RPS6KA5: variants seen among roughly 807,000 people sequenced by gnomAD.
The protein encoded by RPS6KA5 is ribosomal protein S6 kinase A5.
RPS6KA5 carries 27 observed loss-of-function variants against 85.5 expected under a neutral mutation model. The observed-to-expected ratio is 0.32, with a 90% CI of 0.23 to 0.44. RPS6KA5 has a LOEUF of 0.44. RPS6KA5 is among the 20% of genes least tolerant of loss of function. The pLI is 1.00. For synonymous variants in RPS6KA5, 334 were observed against 348.2 expected, an observed-to-expected ratio of 0.96 and a Z score of 0.46; for missense variants, 811 against 980.9, an observed-to-expected ratio of 0.83 and a Z score of 2.31.
chr14:91,049,736 G>T (rs1427025184), intron 1 of RPS6KA5, among the ~76,000 whole-genome samples: 1 of 152,210 alleles, frequency 6.6e-6, no homozygotes, highest in Non-Finnish European at 1.5e-5. Context: ...ATCATTAGGT[G>T]ATTTCATGGT....
At chr14:90,933,261 T>C (rs960300772) in intron 5 of RPS6KA5, among the ~76,000 whole-genome samples, 3 of 152,158 alleles carry the variant, frequency 2.0e-5, no homozygotes, top group African/African-American at 4.8e-5. Context: ...TCCAGACTCA[T>C]ATAGCTCACT....
At chr14:90,997,838 C>T (rs1006492153) in intron 2 of RPS6KA5, among the ~76,000 whole-genome samples, 1 of 151,672 alleles carries the variant, frequency 6.6e-6, no homozygotes, top group Admixed American at 6.6e-5. Context: ...TAGTGAAACC[C>T]CGTCTCTATT....
chr14:91,044,339 CAA>C (rs2042735818), intron 1 of RPS6KA5, among the ~76,000 whole-genome samples: 1 of 76,852 alleles, frequency 1.3e-5, no homozygotes, highest in South Asian at 4.6e-4. Context: ...GAAAGATAGA[CAA>C]AGAAAGAAAG....
At chr14:90,973,509 G>GT (rs928340377) in intron 3 of RPS6KA5, among the ~76,000 whole-genome samples, 27 of 151,792 alleles carry the variant, frequency 1.8e-4, no homozygotes, top group African/African-American at 6.3e-4. Flanking sequence ...AAGCCTACAG[G>GT]TTTTTTCCCC....
intron 1 of RPS6KA5, among the ~76,000 whole-genome samples, chr14:91,007,587 G>T (rs2041075218): frequency 6.6e-6 from 1 of 152,178 alleles, no homozygotes; most frequent in Non-Finnish European, 1.5e-5. Flanking sequence ...CTCTCACAAA[G>T]CAATTTTAAC....
intron 6 of RPS6KA5, among the ~76,000 whole-genome samples, chr14:90,922,794 T>C (rs1463492248): frequency 3.9e-5 from 6 of 152,076 alleles, no homozygotes; most frequent in African/African-American, 1.4e-4. Context: ...TCAACAGAAA[T>C]AAAATAAAAA....
At chr14:90,884,598 C>T (rs568387909) in intron 14 of RPS6KA5, among the ~76,000 whole-genome samples, 1 of 152,310 alleles carries the variant, frequency 6.6e-6, no homozygotes, top group East Asian at 1.9e-4. Flanking sequence ...TTTCAATGGA[C>T]TTCAGAGTTC....
chr14:90,893,308 T>C (rs953664461), intron 13 of RPS6KA5, among the ~76,000 whole-genome samples: 1 of 152,226 alleles, frequency 6.6e-6, no homozygotes, highest in African/African-American at 2.4e-5. Context: ...GGAACTATCA[T>C]AGTTGCAAGT....
At chr14:90,889,007 A>G (rs187830961) in intron 14 of RPS6KA5, among the ~76,000 whole-genome samples, 2 of 152,324 alleles carry the variant, frequency 1.3e-5, no homozygotes, top group Non-Finnish European at 1.5e-5. Context: ...GCAATTCATA[A>G]AAGAGGCTGG....
At chr14:90,968,691 A>G (rs2039186761) in intron 3 of RPS6KA5, among the ~76,000 whole-genome samples, 3 of 152,228 alleles carry the variant, frequency 2.0e-5, no homozygotes, top group African/African-American at 7.2e-5. Flanking sequence ...TTTCAAAGGC[A>G]GCAAAATAGC....
intron 1 of RPS6KA5, among the ~76,000 whole-genome samples, chr14:91,051,003 G>A (rs1417498321): frequency 6.6e-6 from 1 of 152,098 alleles, no homozygotes; most frequent in African/African-American, 2.4e-5. Context: ...CGAGGCAGGT[G>A]GAGCACGTGA....
chr14:90,893,975 TTAGAA>T (rs1382107671), intron 13 of RPS6KA5: 2 of 848,094 alleles, frequency 2.4e-6, no homozygotes, highest in East Asian at 2.4e-4. Flanking sequence ...CTTTAAGTAT[TTAGAA>T]TAGAATTATA....
At chr14:90,941,434 C>T (rs1003892213) in intron 5 of RPS6KA5, among the ~76,000 whole-genome samples, 5 of 152,158 alleles carry the variant, frequency 3.3e-5, no homozygotes, top group Non-Finnish European at 7.4e-5. Context: ...GCTAGAAAGC[C>T]GCCGAGGGAG....
intron 2 of RPS6KA5, among the ~76,000 whole-genome samples, chr14:90,998,952 G>A (rs1213999322): frequency 6.6e-6 from 1 of 152,172 alleles, no homozygotes; most frequent in East Asian, 1.9e-4. Context: ...GAGGCAGGCC[G>A]GGCGTGATGG....
In RPS6KA5 at chr14:90,854,100, T is replaced by C. The variant is rs2032153395; in HGVS notation, c.*17974A>G. ...CCAAACTATTAAAGTACCTAGAAAATAGAATATTTTTTCCTCTAAACTAAG... is the reference window on the plus strand; with the variant it reads ...CCAAACTATTAAAGTACCTAGAAAACAGAATATTTTTTCCTCTAAACTAAG... On this transcript the variant is annotated 3_prime_UTR_variant, in exon 17 of 17. Coordinates refer to ENST00000614987, the MANE Select transcript of RPS6KA5 (RefSeq NM_004755.4). 6.6e-6 allele frequency: 1 copy of C among 152,054 alleles called. No homozygotes were observed. The highest frequency in any genetic ancestry group is 2.4e-5 in the African/African-American group (1 of 41,418). The allele number at this position is 152,054 out of a possible 1,614,324, so 9.4% of individuals were successfully genotyped here.
intron 6 of RPS6KA5, 58 bp from the exon 7 acceptor site, chr14:90,920,367 AAG>A: frequency 8.4e-7 from 1 of 1,194,024 alleles, no homozygotes; most frequent in Non-Finnish European, 1.2e-6. Flanking sequence ...TTTTATAAGA[AAG>A]AAAAAATGAA....
chr14:91,039,854 A>C (rs924825536), intron 1 of RPS6KA5, among the ~76,000 whole-genome samples: 2 of 152,216 alleles, frequency 1.3e-5, no homozygotes, highest in African/African-American at 4.8e-5. Context: ...AAATTAAGTA[A>C]GATAGGCAAA....
In RPS6KA5 at chr14:90,860,689, G is replaced by A. The variant is rs1420076681; in HGVS notation, c.*11385C>T. ...TTTATCTTAAAAAAATAAAAATACA[G>A]AAAAATAAAGGCAAAAGAAAGAAGG... On this transcript the variant is annotated 3_prime_UTR_variant, in exon 17 of 17. Coordinates refer to ENST00000614987, the MANE Select transcript of RPS6KA5 (RefSeq NM_004755.4). The A allele has an allele frequency of 6.6e-6, 1 of 151,842 alleles. No homozygotes were observed. Among genetic ancestry groups the A allele is most frequent in the Non-Finnish European group, 1.5e-5 (1 of 67,974 alleles). The allele number at this position is 151,842 out of a possible 1,614,324, so 9.4% of individuals were successfully genotyped here. A position where few individuals can be genotyped will look rare whatever the true frequency, so the allele number is the denominator to read the frequency against.
chr14:90,895,589 C>CA (rs1052845342), intron 12 of RPS6KA5, among the ~76,000 whole-genome samples: 2 of 151,952 alleles, frequency 1.3e-5, no homozygotes, highest in South Asian at 2.1e-4. Flanking sequence ...GGATAATTTC[C>CA]AAAAAATAAT....
Sources: allele counts gnomAD v4.1 joint callset (sites outside exome capture counted in the v4.1 genomes callset), GRCh38; gene constraint gnomAD v4.1.1; transcripts MANE v1.5; gene names NCBI Gene and HGNC (gene_info 2026-07-23, HGNC 2026-07-21).